Variants in MTRR observed in about 807,000 individuals in gnomAD.
MTRR encodes methionine synthase reductase.
Under a neutral mutation model 79.2 loss-of-function variants are expected in MTRR, and 63 were observed. That is an observed-to-expected ratio of 0.80 (90% CI 0.65 to 0.98). MTRR has a LOEUF of 0.98. Among genes scored for constraint, MTRR ranks in the 50% least tolerant of loss-of-function variants. The probability of loss-of-function intolerance (pLI) is 0.00; values close to 1 mark genes in which losing one functional copy is unlikely to be tolerated. For synonymous variants in MTRR, 355 were observed against 313.3 expected, an observed-to-expected ratio of 1.13 and a Z score of -1.41; for missense variants, 895 against 839.6, an observed-to-expected ratio of 1.07 and a Z score of -0.82.
chr5:7,885,944 G>A (rs1736354314), intron 7 of MTRR, 90 bp downstream of exon 7: 16 of 1,561,420 alleles, frequency 1.0e-5, no homozygotes, highest in Non-Finnish European at 1.3e-5. Flanking sequence ...TCAGGGTCCT[G>A]TGTGTTGGCC....
rs369113367 is a variant in MTRR at position 7,878,315 on chromosome 5, T to C, written c.773T>C (p.Leu258Pro). 4.0e-5 allele frequency: 65 copies of C among 1,614,086 alleles called. No individual in the cohort carries two copies. Among genetic ancestry groups the C allele is most frequent in the Non-Finnish European group, 5.0e-5 (59 of 1,180,018 alleles). Residue 258 changes from leucine (L) to proline (P), a missense_variant, in exon 5 of 15, where the codon CTT (leucine) becomes CCT (proline). Coordinates refer to ENST00000440940, the MANE Select transcript of MTRR (RefSeq NM_002454.3). ...TTACAGGTACATCTGCAGGAGTCTC[T>C]TGGCCAGGTAAGGAAGTTTTTCTTT... ...EYLQVHLQESLGQEESQVSVT... is the reference protein window; with the variant it reads ...EYLQVHLQESPGQEESQVSVT...
At chr5:7,892,637 A>C in intron 10 of MTRR, 90 bp from the exon 11 acceptor site, 3 of 1,360,838 alleles carry the variant, frequency 2.2e-6, no homozygotes, top group Non-Finnish European at 3.2e-6. Flanking sequence ...CTATAAGGAA[A>C]TATTTCTAAA....
At chr5:7,861,318 T>G in intron 1 of MTRR, 1 of 1,032,082 alleles carries the variant, frequency 9.7e-7, no homozygotes, top group Non-Finnish European at 1.4e-6. Context: ...CCAAAATATT[T>G]ATTATATATT....
At chr5:7,878,885 G>T (rs183952346) in intron 5 of MTRR, among the ~76,000 whole-genome samples, 1 of 152,204 alleles carries the variant, frequency 6.6e-6, no homozygotes, top group African/African-American at 2.4e-5. Context: ...CCCTCTTTCT[G>T]TTGAGTGGCT....
chr5:7,877,012 C>T (rs1392122456), intron 4 of MTRR, among the ~76,000 whole-genome samples: 2 of 152,168 alleles, frequency 1.3e-5, no homozygotes, highest in Non-Finnish European at 2.9e-5. Flanking sequence ...AATGTGTAAC[C>T]ACATTTTGAG....
chr5:7,858,395 G>C (rs1007189268), intron 1 of MTRR, among the ~76,000 whole-genome samples: 5 of 151,756 alleles, frequency 3.3e-5, no homozygotes, highest in African/African-American at 1.2e-4. Flanking sequence ...TGAGCGGCAA[G>C]GTCAGCTGGG....
At position 7,870,779 on chromosome 5, in the gene MTRR, T is replaced by TA; in HGVS notation, c.-15dup. The stretch of plus-strand genomic sequence containing the variant: ...TTCCCCCATTTTTCAGTTTCACTGT[T>TA]ACATGCCTTGAAGTGATGAGGAGGT... On this transcript the variant is annotated 5_prime_UTR_variant, in exon 2 of 15. Coordinates refer to ENST00000440940, the MANE Select transcript of MTRR (RefSeq NM_002454.3). 4 of 1,614,230 alleles carry TA rather than the reference T, an allele frequency of 2.5e-6. No homozygotes were observed. The highest frequency in any genetic ancestry group is 3.4e-6 in the Non-Finnish European group (4 of 1,180,040).
upstream of MTRR, chr5:7,851,030 C>A: frequency 8.0e-7 from 1 of 1,244,848 alleles, no homozygotes; most frequent in South Asian, 3.6e-5. Flanking sequence ...ATGCCGCCAC[C>A]GTCCAGCGCC....
chr5:7,880,793 C>T (rs1190678604), intron 5 of MTRR, among the ~76,000 whole-genome samples: 4 of 152,274 alleles, frequency 2.6e-5, no homozygotes, highest in Non-Finnish European at 4.4e-5. Flanking sequence ...TGGGCCAGGA[C>T]GCCATTTACC....
chr5:7,900,136 T>G lies in MTRR; in HGVS notation c.*78T>G, dbSNP rs1009095495. 2 of 1,532,340 alleles carry G rather than the reference T, an allele frequency of 1.3e-6. No homozygotes were observed. 94.9% of individuals were successfully genotyped at this position (1,532,340 alleles called of 1,614,324 possible). A position where few individuals can be genotyped will look rare whatever the true frequency, so the allele number is the denominator to read the frequency against. On this transcript the variant is annotated 3_prime_UTR_variant, in exon 15 of 15. Transcript: ENST00000440940. ...GTCAGCTTTACTAGTGCCAAACCTT[T>G]AAATTTTCAAAAGAAAATTTTCTTT...
At chr5:7,888,378 G>A (rs540519064) in intron 8 of MTRR, among the ~76,000 whole-genome samples, 1 of 152,296 alleles carries the variant, frequency 6.6e-6, no homozygotes, top group South Asian at 2.1e-4. Flanking sequence ...TTTTAATTTA[G>A]GAGATTGTAT....
chr5:7,882,778 C>T lies in MTRR; in HGVS notation c.781-377C>T, dbSNP rs557736953. 2.4e-3 allele frequency among the ~76,000 whole-genome samples: 373 copies of T among 152,332 alleles called. 3 individuals carry two copies. The highest frequency in any genetic ancestry group is 8.6e-3 in the African/African-American group (358 of 41,566). ...CACACTAGGGGGTTCCTGTGACCAT[C>T]TACACACATGTTGCATTCTTAAACA... On this transcript the variant is annotated intron_variant, in intron 5 of 14. Coordinates refer to ENST00000440940, the MANE Select transcript of MTRR (RefSeq NM_002454.3).
intron 9 of MTRR, 131 bp downstream of exon 9, chr5:7,889,406 A>G (rs1737179282): frequency 5.3e-6 from 5 of 941,142 alleles, no homozygotes; most frequent in South Asian, 1.4e-5. Flanking sequence ...ATATATCTAA[A>G]TGAATGGTGG....
chr5:7,862,891 A>C, intron 2 of MTRR: 1 of 1,614,114 alleles, frequency 6.2e-7, no homozygotes, highest in Non-Finnish European at 8.5e-7. Context: ...AAGGTTAGTC[A>C]GCCCAATCTT....
At chr5:7,861,778 A>C (rs1345094786) in intron 1 of MTRR, 170 of 1,448,870 alleles carry the variant, frequency 1.2e-4, no homozygotes, top group Non-Finnish European at 1.5e-4. Context: ...TGAAGGCTGC[A>C]AAGTAATGAC....
At position 7,897,078 on chromosome 5, in the gene MTRR, C is replaced by T. The variant is rs10380; in HGVS notation, c.1783C>T (p.His595Tyr). The T allele has an allele frequency of 0.12, 193,084 of 1,613,374 alleles. 15,754 individuals carry two copies. The highest frequency in any genetic ancestry group is 0.33 in the African/African-American group (24,780 of 74,920). The change falls in exon 14 of 15, where the codon CAT becomes TAT. Residue 595 changes from histidine (H) to tyrosine (Y), a missense_variant. By Grantham distance (83) the His-to-Tyr change is moderately conservative (BLOSUM62 2). Coordinates refer to ENST00000440940, the MANE Select transcript of MTRR (RefSeq NM_002454.3). Reference protein sequence around the residue: ...RDYLFRKELRHFLKHGILTHL... With the variant: ...RDYLFRKELRYFLKHGILTHL... ...ATTATATTTCAGAAAAGAGCTCAGA[C>T]ATTTCCTTAAGCATGGGATCTTAAC...
At chr5:7,895,666 A>T in intron 11 of MTRR, 68 bp from the exon 12 acceptor site, 5 of 1,586,278 alleles carry the variant, frequency 3.2e-6, no homozygotes, top group South Asian at 1.1e-5. Context: ...TTTAGCAAAG[A>T]TCATCTTGAT....
In MTRR at chr5:7,892,923, T is replaced by C. The variant is rs1414777712; in HGVS notation, c.1557+10T>C. Reference sequence around the variant, plus strand: ...AGCCCTGGCTCCTAAGGTAAGAAATTAGTACCTTAACCTCAGCATTGTTAA... The same window carrying C: ...AGCCCTGGCTCCTAAGGTAAGAAATCAGTACCTTAACCTCAGCATTGTTAA... On this transcript the variant is annotated intron_variant, in intron 11 of 14. Coordinates refer to ENST00000440940, the MANE Select transcript of MTRR (RefSeq NM_002454.3). 1.2e-6 allele frequency: 2 copies of C among 1,612,010 alleles called. No individual in the cohort carries two copies. The highest frequency in any genetic ancestry group is 1.7e-4 in the Middle Eastern group (1 of 6,056).
intron 11 of MTRR, among the ~76,000 whole-genome samples, chr5:7,894,377 A>G (rs1262310672): frequency 6.6e-6 from 1 of 152,212 alleles, no homozygotes; most frequent in Non-Finnish European, 1.5e-5. Context: ...GACATCTGCC[A>G]CATCTAAGCA....
Sources: allele counts gnomAD v4.1 joint callset (sites outside exome capture counted in the v4.1 genomes callset), GRCh38; gene constraint gnomAD v4.1.1; transcripts MANE v1.5; gene names NCBI Gene and HGNC (gene_info 2026-07-23, HGNC 2026-07-21).